The following TRAF6 variants were observed in gnomAD, a reference collection of about 807,000 sequenced individuals.
TRAF6 encodes TNF receptor-associated factor 6.
A neutral mutation model predicts 48.4 loss-of-function variants in TRAF6; 10 were observed. The observed-to-expected ratio is 0.21, with a 90% CI of 0.13 to 0.35. The LOEUF is 0.35. TRAF6 is among the 10% of genes least tolerant of loss of function. The pLI, the probability that TRAF6 is intolerant of heterozygous loss-of-function variation, is 1.00. For missense variants in TRAF6, 397 were observed against 661.0 expected, an observed-to-expected ratio of 0.60 and a Z score of 4.38; for synonymous variants, 186 against 219.6, an observed-to-expected ratio of 0.85 and a Z score of 1.35.
chr11:36,496,543 GC>G (rs1859636997), intron 4 of TRAF6: 1 of 152,190 alleles, frequency 6.6e-6, no homozygotes, highest in Non-Finnish European at 1.5e-5. Flanking sequence ...TCATGCCATT[GC>G]ACTCCAGCCT....
At position 36,489,973 on chromosome 11, in the gene TRAF6, A is replaced by G; in HGVS notation, c.1434T>C (p.His478=). 1 of 1,614,184 alleles carries G rather than the reference A, an allele frequency of 6.2e-7. No individual in the cohort carries two copies. ...AAGTTCTTTGTCTTAGGGCTTCCAG[A>G]TGCATAAAAGTTACATAGCCAAAAC... The part of the protein sequence containing the change: ...PKGFGYVTFM[H]LEALRQRTFI... Residue 478 remains histidine (H), a synonymous_variant, in exon 7 of 7, where the codon CAT becomes CAC. Transcript: ENST00000526995.
chr11:36,494,927 CTTCT>C (rs1173617865), intron 5 of TRAF6, 45 bp downstream of exon 5: 1 of 1,322,350 alleles, frequency 7.6e-7, no homozygotes, highest in Non-Finnish European at 1.1e-6. Flanking sequence ...ACCTAATTCA[CTTCT>C]TTAAGCTGTT....
intron 1 of TRAF6, among the ~76,000 whole-genome samples, chr11:36,503,821 A>C (rs551973153): frequency 6.6e-6 from 1 of 152,240 alleles, no homozygotes; most frequent in Non-Finnish European, 1.5e-5. Flanking sequence ...ACTAGGGTAT[A>C]TATCCTTTGT....
At chr11:36,499,865 G>A (rs718011) in intron 2 of TRAF6, among the ~76,000 whole-genome samples, 4,294 of 152,094 alleles carry the variant, frequency 0.028, 209 homozygotes, top group African/African-American at 0.096. Context: ...TAACTAGATG[G>A]CTATTTATTG....
intron 6 of TRAF6, among the ~76,000 whole-genome samples, chr11:36,491,973 G>T (rs761804102): frequency 6.6e-6 from 1 of 151,490 alleles, no homozygotes; most frequent in African/African-American, 2.4e-5. Flanking sequence ...CTTTTTTGCC[G>T]AATGGCCCTT....
At chr11:36,495,355 G>A (rs1859615935) in intron 4 of TRAF6, among the ~76,000 whole-genome samples, 1 of 152,114 alleles carries the variant, frequency 6.6e-6, no homozygotes, top group Non-Finnish European at 1.5e-5. Context: ...ATCATCTGCC[G>A]AGGCTATACT....
At chr11:36,501,157 T>C (rs551570755) in intron 2 of TRAF6, 63 bp downstream of exon 2, 2 of 1,437,522 alleles carry the variant, frequency 1.4e-6, no homozygotes, top group African/African-American at 1.4e-5. Context: ...CCATGTTCTA[T>C]GTAACAATGT....
intron 2 of TRAF6, among the ~76,000 whole-genome samples, chr11:36,500,516 C>T (rs1044513632): frequency 1.3e-5 from 2 of 152,148 alleles, no homozygotes; most frequent in African/African-American, 4.8e-5. Flanking sequence ...AGGATTTTAG[C>T]TTTTACTCCC....
At chr11:36,494,644 T>C (rs1859605695) in intron 5 of TRAF6, among the ~76,000 whole-genome samples, 1 of 151,750 alleles carries the variant, frequency 6.6e-6, no homozygotes, top group African/African-American at 2.4e-5. Context: ...TATATATATA[T>C]ATCTTAGTTT....
chr11:36,505,171 T>C (rs1859768407), intron 1 of TRAF6, among the ~76,000 whole-genome samples: 1 of 152,208 alleles, frequency 6.6e-6, no homozygotes, highest in African/African-American at 2.4e-5. Context: ...CAGCCTGTCC[T>C]TTAAAATTTT....
chr11:36,501,845 G>C (rs1442884180), intron 1 of TRAF6: 1 of 182,456 alleles, frequency 5.5e-6, no homozygotes, highest in African/African-American at 2.3e-5. Flanking sequence ...GTTAAAAAAG[G>C]AGAAGCACCT....
chr11:36,495,465 T>C (rs1859617932), intron 4 of TRAF6, among the ~76,000 whole-genome samples: 1 of 152,188 alleles, frequency 6.6e-6, no homozygotes, highest in African/African-American at 2.4e-5. Flanking sequence ...TATTAGGACA[T>C]GAGGATTTGG....
At position 36,486,132 on chromosome 11, in the gene TRAF6, C is replaced by T. The variant is rs1228329144; in HGVS notation, c.*3706G>A. 1.3e-5 allele frequency among the ~76,000 whole-genome samples: 2 copies of T among 152,074 alleles called. No individual in the cohort carries two copies. Among genetic ancestry groups the T allele is most frequent in the East Asian group, 3.9e-4 (2 of 5,188 alleles). On this transcript the variant is annotated 3_prime_UTR_variant, in exon 7 of 7. Coordinates refer to ENST00000526995, the MANE Select transcript of TRAF6 (RefSeq NM_004620.4). The stretch of plus-strand genomic sequence containing the variant: ...TTGGCTCACTGCAACCTGTGCTTCC[C>T]GGGTTCAAGCGATTCCCGTGCCTCA...
In TRAF6 at chr11:36,498,610, A is replaced by C; in HGVS notation, c.327T>G (p.Asn109Lys). 6.2e-7 allele frequency: 1 copy of C among 1,613,266 alleles called. No individual in the cohort carries two copies. Among genetic ancestry groups the C allele is most frequent in the Non-Finnish European group, 8.5e-7 (1 of 1,179,782 alleles). ...RDAGHKCPVD[N>K]EILLENQLFP... ...ATAGTTGATTTTCCAGCAGTATTTC[A>C]TTGTCAACTGGACATTTGTGACCTG... Residue 109 changes from asparagine to lysine, a missense_variant, in exon 3 of 7, where the codon AAT becomes AAG. Asn to Lys is a moderately conservative substitution (Grantham distance 94). Around this residue, in one of 4 missense-constraint regions of TRAF6, gnomAD observed 245 missense variants for 349.1 expected, o/e 0.70. Transcript: ENST00000526995.
intron 3 of TRAF6, 96 bp from the exon 4 acceptor site, chr11:36,497,362 A>T: frequency 8.6e-7 from 1 of 1,169,328 alleles, no homozygotes; most frequent in South Asian, 1.6e-5. Flanking sequence ...TCAGCAGGCT[A>T]CTGAACCTAC....
Position 36,486,450 on chromosome 11 carries a change from C to T in TRAF6, c.*3388G>A, listed in dbSNP as rs1281155305. Among the ~76,000 whole-genome samples the T allele has an allele frequency of 2.6e-5, 4 of 152,094 alleles. No individual in the cohort carries two copies. Among genetic ancestry groups the T allele is most frequent in the African/African-American group, 7.3e-5 (3 of 41,362 alleles). On this transcript the variant is annotated 3_prime_UTR_variant, in exon 7 of 7. Coordinates refer to ENST00000526995, the MANE Select transcript of TRAF6 (RefSeq NM_004620.4). Reference sequence around the variant, plus strand: ...AAAAATAATGCATTCTAACTGTATACATAATTCATAAGCATGCTTAGTTTA... The same window carrying T: ...AAAAATAATGCATTCTAACTGTATATATAATTCATAAGCATGCTTAGTTTA...
At chr11:36,500,834 T>C (rs577287535) in intron 2 of TRAF6, among the ~76,000 whole-genome samples, 2 of 152,246 alleles carry the variant, frequency 1.3e-5, no homozygotes, top group South Asian at 4.1e-4. Flanking sequence ...TCACAATAAC[T>C]GATCACTTAC....
chr11:36,509,375 C>G (rs779073653), intron 1 of TRAF6, among the ~76,000 whole-genome samples: 8 of 151,830 alleles, frequency 5.3e-5, no homozygotes, highest in African/African-American at 1.2e-4. Flanking sequence ...AACAATCGCT[C>G]GAACTACCGA....
intron 6 of TRAF6, 34 bp downstream of exon 6, chr11:36,492,517 T>C (rs757834638): frequency 6.7e-7 from 1 of 1,495,068 alleles, no homozygotes; most frequent in Non-Finnish European, 9.2e-7. Context: ...TTTTTTTACT[T>C]ATATTCAAGA....
Sources: gnomAD v4.1 joint callset for allele counts (sites outside exome capture counted in the v4.1 genomes callset) on GRCh38, gnomAD v4.1.1 for gene constraint, gnomAD v4.1.1 regional missense constraint, MANE v1.5 for transcripts, NCBI Gene and HGNC (gene_info 2026-07-23, HGNC 2026-07-21) for gene names.